The following COL4A1 variants were observed in gnomAD, a reference collection of about 807,000 sequenced individuals.
COL4A1 encodes the protein collagen type IV alpha 1 chain.
A neutral mutation model predicts 216.6 loss-of-function variants in COL4A1; 40 were observed. The ratio of observed to expected loss-of-function variants is 0.18; its 90% CI spans 0.14 to 0.24. The LOEUF (loss-of-function observed/expected upper bound fraction) is 0.24. COL4A1 is among the 10% of genes least tolerant of loss of function. The pLI, the probability that COL4A1 is intolerant of heterozygous loss-of-function variation, is 1.00. For synonymous variants in COL4A1, 839 were observed against 810.7 expected (o/e 1.03, Z -0.59); for missense variants, 1,628 against 2,196.8 (o/e 0.74, Z 5.18).
At chr13:110,215,901 A>G (rs1880048597) in intron 2 of COL4A1, among the ~76,000 whole-genome samples, 1 of 152,232 alleles carries the variant, frequency 6.6e-6, no homozygotes, top group African/African-American at 2.4e-5. Flanking sequence ...CATTTTTACA[A>G]ACGCAGGAAG....
rs765634211 is a variant in COL4A1 at position 110,183,095 on chromosome 13, C to A, written c.1993G>T (p.Asp665Tyr). The A allele has an allele frequency of 5.0e-6, 8 of 1,612,834 alleles. No individual in the cohort carries two copies. The highest frequency in any genetic ancestry group is 6.8e-6 in the Non-Finnish European group (8 of 1,179,636). The change falls in exon 28 of 52, where the codon GAC becomes TAC. Residue 665 changes from aspartate to tyrosine, a missense_variant and splice_region_variant. This residue lies in a region of COL4A1 where 701 missense variants were observed against 892.5 expected (regional missense o/e 0.79). Transcript: ENST00000375820. ...CCTGGGGTTCCGGGAAAGCCTCGGTCTCCTGTGGTGAGAAAGACCAACAGT... is the reference window on the plus strand; with the variant it reads ...CCTGGGGTTCCGGGAAAGCCTCGGTATCCTGTGGTGAGAAAGACCAACAGT... The part of the protein sequence containing the change: ...GSPGFPGPQG[D>Y]RGFPGTPGRP...
chr13:110,237,469 G>A lies in COL4A1; in HGVS notation c.144+5206C>T, dbSNP rs117044970. ...TGGGGTGGGGGTGCTCCTGGCATCC[G>A]ATGTGTAAAGGCTGGGATGCTGCTC... On this transcript the variant is annotated intron_variant, in intron 2 of 51. Coordinates refer to ENST00000375820, the MANE Select transcript of COL4A1 (RefSeq NM_001845.6). Among the ~76,000 whole-genome samples, 616 of 152,274 alleles carry A rather than the reference G, an allele frequency of 4.0e-3. 2 individuals are homozygous for A. Among genetic ancestry groups the A allele is most frequent in the Non-Finnish European group, 6.7e-3 (453 of 68,022 alleles).
At chr13:110,193,393 T>C (rs1380699922) in intron 22 of COL4A1, among the ~76,000 whole-genome samples, 2 of 152,178 alleles carry the variant, frequency 1.3e-5, no homozygotes, top group Non-Finnish European at 2.9e-5. Flanking sequence ...AGAACACATA[T>C]GTGATCCAGG....
intron 43 of COL4A1, among the ~76,000 whole-genome samples, chr13:110,168,736 C>T (rs1476154206): frequency 6.6e-6 from 1 of 152,180 alleles, no homozygotes; most frequent in Non-Finnish European, 1.5e-5. Context: ...AGAAGAACCC[C>T]GCTTGCTCCA....
intron 1 of COL4A1, among the ~76,000 whole-genome samples, chr13:110,252,505 ATGT>A (rs1251853997): frequency 4.4e-4 from 2 of 4,596 alleles, no homozygotes; most frequent in African/African-American, 4.8e-4. Flanking sequence ...ATACGTATAT[ATGT>A]ATTATATATA....
chr13:110,168,475 G>A (rs747662185), intron 43 of COL4A1, among the ~76,000 whole-genome samples: 9 of 152,208 alleles, frequency 5.9e-5, no homozygotes, highest in Non-Finnish European at 1.2e-4. Flanking sequence ...GATATACACA[G>A]CTTTGAGGAC....
intron 1 of COL4A1, among the ~76,000 whole-genome samples, chr13:110,252,517 TAC>T (rs1323190830): frequency 0.011 from 118 of 10,490 alleles, 57 homozygotes; most frequent in Admixed American, 0.059. Flanking sequence ...GTATTATATA[TAC>T]GTATAATTAT....
intron 1 of COL4A1, among the ~76,000 whole-genome samples, chr13:110,276,951 T>A (rs1489976719): frequency 1.3e-5 from 2 of 152,226 alleles, no homozygotes; most frequent in Non-Finnish European, 2.9e-5. Context: ...GGCTTCTGAT[T>A]CCTTCCCAGA....
At chr13:110,204,891 C>T (rs1879418508) in intron 17 of COL4A1, among the ~76,000 whole-genome samples, 1 of 152,172 alleles carries the variant, frequency 6.6e-6, no homozygotes, top group African/African-American at 2.4e-5. Flanking sequence ...ATGTTCACAT[C>T]ATAATTACAC....
chr13:110,203,499 C>T (rs937605310), intron 18 of COL4A1, 67 bp downstream of exon 18: 2 of 1,581,534 alleles, frequency 1.3e-6, no homozygotes, highest in East Asian at 2.2e-5. Flanking sequence ...AGTGCTCTCA[C>T]AGACCCAGGG....
At chr13:110,248,229 GGA>G (rs562179060) in intron 1 of COL4A1, among the ~76,000 whole-genome samples, 9 of 152,176 alleles carry the variant, frequency 5.9e-5, no homozygotes, top group Non-Finnish European at 1.0e-4. Flanking sequence ...ATAAGCGTAT[GGA>G]GGCAAGAGAC....
intron 1 of COL4A1, among the ~76,000 whole-genome samples, chr13:110,281,342 C>A (rs1335557843): frequency 6.6e-6 from 1 of 152,182 alleles, no homozygotes; most frequent in Admixed American, 6.5e-5. Context: ...AAAAAGTACT[C>A]TGTGCTCCTT....
chr13:110,279,518 G>A (rs1031078077), intron 1 of COL4A1, among the ~76,000 whole-genome samples: 2 of 152,090 alleles, frequency 1.3e-5, no homozygotes, highest in Admixed American at 6.5e-5. Flanking sequence ...TCCTGAACCT[G>A]TGTTAGACAC....
Position 110,169,676 on chromosome 13 carries a change from G to A in COL4A1, c.3829C>T (p.Pro1277Ser). The A allele has an allele frequency of 6.2e-7, 1 of 1,614,068 alleles. No individual in the cohort carries two copies. Among genetic ancestry groups the A allele is most frequent in the Non-Finnish European group, 8.5e-7 (1 of 1,180,030 alleles). ...TCTCCCTTGGGCCCTGGGACACCGGGTGCTCCTGGCCAGCCTGGATTTCCT... is the reference window on the plus strand; with the variant it reads ...TCTCCCTTGGGCCCTGGGACACCGGATGCTCCTGGCCAGCCTGGATTTCCT... ...DKGNPGWPGA[P>S]GVPGPKGDPG... The change falls in exon 43 of 52, where the codon CCC becomes TCC. Residue 1277 changes from proline to serine, a missense_variant. Coordinates refer to ENST00000375820, the MANE Select transcript of COL4A1 (RefSeq NM_001845.6).
intron 1 of COL4A1, among the ~76,000 whole-genome samples, chr13:110,253,838 GTATAATTATACGTATATATGTA>G (rs1181697064): frequency 3.3e-4 from 44 of 134,656 alleles, no homozygotes; most frequent in Non-Finnish European, 6.9e-4. Flanking sequence ...TTATATATAC[GTATAATTATACGTATATATGTA>G]TGTGTGTGTG....
intron 24 of COL4A1, among the ~76,000 whole-genome samples, chr13:110,189,963 T>G (rs977141612): frequency 2.0e-5 from 3 of 152,228 alleles, no homozygotes; most frequent in African/African-American, 7.2e-5. Flanking sequence ...ATTCATCCAT[T>G]AAAAAATACT....
chr13:110,275,677 C>A (rs1178680737), intron 1 of COL4A1, among the ~76,000 whole-genome samples: 3 of 152,192 alleles, frequency 2.0e-5, no homozygotes, highest in Non-Finnish European at 4.4e-5. Flanking sequence ...AACAAACAAA[C>A]AACCTGTGGG....
Position 110,198,617 on chromosome 13 carries a change from C to T in COL4A1, c.1135G>A (p.Gly379Arg), listed in dbSNP as rs1442191354. 1.2e-6 allele frequency: 2 copies of T among 1,613,976 alleles called. No homozygotes were observed. Among genetic ancestry groups the T allele is most frequent in the Non-Finnish European group, 1.7e-6 (2 of 1,180,040 alleles). Residue 379 changes from glycine (G) to arginine (R), a missense_variant, in exon 21 of 52, where the codon GGG becomes AGG. Physicochemically the swap from Gly to Arg is moderately radical, Grantham distance 125 (BLOSUM62 -2). Coordinates refer to ENST00000375820, the MANE Select transcript of COL4A1 (RefSeq NM_001845.6). ...GGGAAGCCAGGGGCACCAGCCTGCC[C>T]AGGTACAGGGAGGCCTGCAACCAGA... ...QPGPPGLPVPGQAGAPGFPGE... is the reference protein window; with the variant it reads ...QPGPPGLPVPRQAGAPGFPGE...
chr13:110,212,376 G>T (rs769353797), intron 6 of COL4A1, 41 bp downstream of exon 6: 1 of 1,609,976 alleles, frequency 6.2e-7, no homozygotes, highest in East Asian at 2.2e-5. Flanking sequence ...CAAAAATTAC[G>T]TAAACACACA....
Sources: allele counts gnomAD v4.1 joint callset (sites outside exome capture counted in the v4.1 genomes callset), GRCh38; gene constraint gnomAD v4.1.1; regional missense constraint gnomAD v4.1.1; transcripts MANE v1.5; gene names NCBI Gene and HGNC (gene_info 2026-07-23, HGNC 2026-07-21).